The following VPS8 variants were observed in gnomAD, a reference collection of about 807,000 sequenced individuals.
The protein encoded by VPS8 is VPS8 subunit of CORVET complex.
Under a neutral mutation model 216.4 loss-of-function variants are expected in VPS8, and 129 were observed. The observed-to-expected ratio is 0.60, with a 90% confidence interval of 0.52 to 0.69. VPS8 has a LOEUF of 0.69. VPS8 is among the 30% of genes least tolerant of loss of function. The pLI is 0.00. For missense variants in VPS8, 1,531 were observed against 1,683.5 expected, an observed-to-expected ratio of 0.91 and a Z score of 1.59; for synonymous variants, 571 against 565.4, an observed-to-expected ratio of 1.01 and a Z score of -0.14.
chr3:184,875,401 G>A (rs1165887270), intron 21 of VPS8, among the ~76,000 whole-genome samples: 2 of 151,902 alleles, frequency 1.3e-5, no homozygotes, highest in Admixed American at 6.6e-5. Context: ...GTCACATTTT[G>A]GACAGGTTGT....
chr3:184,898,991 A>G (rs1318023292), intron 24 of VPS8, among the ~76,000 whole-genome samples: 3 of 152,110 alleles, frequency 2.0e-5, no homozygotes, highest in Non-Finnish European at 4.4e-5. Flanking sequence ...CGAAAAATTT[A>G]TTTTGTATAA....
chr3:185,026,794 C>T (rs186173711), intron 46 of VPS8, among the ~76,000 whole-genome samples: 52 of 149,922 alleles, frequency 3.5e-4, no homozygotes, highest in African/African-American at 1.1e-3. Context: ...CTGCAACCTC[C>T]GCCTCCTGGG....
At chr3:184,946,065 G>C (rs181187176) in intron 36 of VPS8, among the ~76,000 whole-genome samples, 1 of 152,258 alleles carries the variant, frequency 6.6e-6, no homozygotes. Context: ...TTCTACAATA[G>C]TGGTGTTATC....
chr3:184,855,260 C>T (rs1725028455), intron 13 of VPS8, among the ~76,000 whole-genome samples: 1 of 151,970 alleles, frequency 6.6e-6, no homozygotes, highest in Admixed American at 6.6e-5. Flanking sequence ...ACATTTACTG[C>T]CCTTTATTAC....
chr3:185,013,295 CCTT>C (rs1430600145), intron 45 of VPS8, among the ~76,000 whole-genome samples: 7 of 152,220 alleles, frequency 4.6e-5, no homozygotes, highest in African/African-American at 1.4e-4. Context: ...AACATGTCCT[CCTT>C]CTTTGTTTTG....
intron 43 of VPS8, among the ~76,000 whole-genome samples, chr3:184,995,067 C>T (rs1228495159): frequency 2.0e-5 from 3 of 152,324 alleles, no homozygotes; most frequent in Non-Finnish European, 2.9e-5. Context: ...TCCCACCACA[C>T]GTGGTAATTC....
In VPS8 at chr3:184,984,453, C is replaced by T. The variant is rs564082002; in HGVS notation, c.3585+1359C>T. Among the ~76,000 whole-genome samples, 13 of 151,738 alleles carry T rather than the reference C, an allele frequency of 8.6e-5. No homozygotes were observed. In the South Asian group the frequency reaches 2.7e-3, roughly 32 times the overall value. ...GGATTAGAGGCATGTGCCACCACGC[C>T]CAGCTGATTTTGTATTTTTAGTAGA... On this transcript the variant is annotated intron_variant, in intron 42 of 47. Coordinates refer to ENST00000625842, the MANE Select transcript of VPS8 (RefSeq NM_001009921.3).
chr3:184,922,337 T>C (rs1209035268), intron 29 of VPS8: 1 of 411,854 alleles, frequency 2.4e-6, no homozygotes, highest in Non-Finnish European at 4.8e-6. Context: ...TATTTTCTTA[T>C]CTGTCTTATG....
intron 26 of VPS8, among the ~76,000 whole-genome samples, chr3:184,913,887 A>G (rs1034760968): frequency 2.0e-5 from 3 of 152,264 alleles, no homozygotes; most frequent in East Asian, 3.8e-4. Context: ...AAGTATCAGT[A>G]GGGCTGAGGT....
chr3:185,008,538 A>G (rs1754565503), intron 45 of VPS8, among the ~76,000 whole-genome samples: 1 of 152,194 alleles, frequency 6.6e-6, no homozygotes, highest in African/African-American at 2.4e-5. Flanking sequence ...AAAGAATAGA[A>G]TAGTATAAGG....
chr3:184,844,795 T>TAG (rs1326576792), intron 8 of VPS8, among the ~76,000 whole-genome samples: 2 of 152,232 alleles, frequency 1.3e-5, no homozygotes, highest in Non-Finnish European at 2.9e-5. Context: ...CAATGCCAAA[T>TAG]AGATGTGTTG....
At chr3:185,036,125 A>G (rs879005030) in intron 46 of VPS8, among the ~76,000 whole-genome samples, 6 of 152,186 alleles carry the variant, frequency 3.9e-5, no homozygotes, top group Admixed American at 3.3e-4. Flanking sequence ...ACACAAATAC[A>G]TGGAAAAACA....
rs1743936216 is a variant in VPS8 at position 184,947,594 on chromosome 3, T to C, written c.3035+7351T>C. On this transcript the variant is annotated intron_variant, in intron 36 of 47. Coordinates refer to ENST00000625842, the MANE Select transcript of VPS8 (RefSeq NM_001009921.3). ...AAATCAACTCTATGATATAGACAAA[T>C]ATATTTAGCAAGAGGCATGTCTGTG... Among the ~76,000 whole-genome samples the C allele has an allele frequency of 2.0e-5, 3 of 151,652 alleles. No homozygotes were observed. The South Asian group carries it at 6.2e-4, about 32-fold the overall frequency.
chr3:184,934,075 A>G (rs1489766549), intron 34 of VPS8, among the ~76,000 whole-genome samples: 2 of 152,186 alleles, frequency 1.3e-5, no homozygotes, highest in African/African-American at 2.4e-5. Context: ...CTTCATATCT[A>G]TGACTGTATG....
chr3:184,868,159 T>C (rs1403882683), intron 18 of VPS8, 100 bp downstream of exon 18: 1 of 1,292,772 alleles, frequency 7.7e-7, no homozygotes, highest in Non-Finnish European at 1.1e-6. Flanking sequence ...GTAAGCTTCT[T>C]AATTTCAGAA....
At chr3:184,814,608 TAA>T (rs1715904190) in intron 1 of VPS8, among the ~76,000 whole-genome samples, 1 of 152,132 alleles carries the variant, frequency 6.6e-6, no homozygotes, top group Admixed American at 6.5e-5. Flanking sequence ...AAAGGTACAG[TAA>T]AAATACAGTT....
chr3:184,922,551 GA>G, intron 29 of VPS8: 1 of 376,932 alleles, frequency 2.7e-6, no homozygotes, highest in Admixed American at 3.2e-5. Flanking sequence ...CAAATGAAGA[GA>G]AAGCTCCGTA....
chr3:184,975,736 A>G (rs747138989), intron 40 of VPS8, among the ~76,000 whole-genome samples: 5 of 152,036 alleles, frequency 3.3e-5, no homozygotes, highest in Non-Finnish European at 5.9e-5. Context: ...TCTCTGCCTA[A>G]TTTATTGAGA....
At chr3:184,884,256 T>C (rs1439963702) in intron 21 of VPS8, among the ~76,000 whole-genome samples, 3 of 151,450 alleles carry the variant, frequency 2.0e-5, no homozygotes, top group Non-Finnish European at 4.4e-5. Flanking sequence ...TGGTGTGTGG[T>C]GTTCCGCGCC....
Sources: allele counts gnomAD v4.1 joint callset (sites outside exome capture counted in the v4.1 genomes callset), GRCh38; gene constraint gnomAD v4.1.1; transcripts MANE v1.5; gene names NCBI Gene and HGNC (gene_info 2026-07-23, HGNC 2026-07-21).